CLEC2A: variants seen among roughly 807,000 people sequenced by gnomAD.
CLEC2A encodes the protein C-type lectin domain family 2 member A.
A neutral mutation model predicts 18.6 loss-of-function variants in CLEC2A; 19 were observed. The ratio of observed to expected loss-of-function variants is 1.02; its 90% CI spans 0.71 to 1.50. The LOEUF is 1.50. CLEC2A is among the 40% of genes most tolerant of loss of function. The probability of loss-of-function intolerance (pLI) is 0.00; values close to 1 mark genes in which losing one functional copy is unlikely to be tolerated. For missense variants in CLEC2A, 190 were observed against 207.9 expected (o/e 0.91, Z 0.53); for synonymous variants, 74 against 64.0 (o/e 1.16, Z -0.75).
rs1862858867 is a variant in CLEC2A at position 9,903,120 on chromosome 12, C to T, written c.411-4144G>A. Among the ~76,000 whole-genome samples, 3 of 151,568 alleles carry T rather than the reference C, an allele frequency of 2.0e-5. 1 individual carries two copies. The highest frequency in any genetic ancestry group is 4.2e-4 in the South Asian group (2 of 4,808). Reference sequence around the variant, plus strand: ...TTGGCCTCTGAACAAAGAACAAGGACATTACACAATTAAACCCTTTGAAGA... The same window carrying T: ...TTGGCCTCTGAACAAAGAACAAGGATATTACACAATTAAACCCTTTGAAGA... On this transcript the variant is annotated intron_variant, in intron 4 of 4. Transcript: ENST00000339766.
downstream of CLEC2A, chr12:9,895,641 A>G: frequency 2.0e-6 from 3 of 1,467,618 alleles, no homozygotes; most frequent in East Asian, 5.2e-5. Flanking sequence ...AAAAGATACT[A>G]TTATCATTTT....
chr12:9,916,727 C>T lies in CLEC2A; in HGVS notation c.383G>A (p.Trp128Ter), dbSNP rs200701997. ...ACCATTGAATGTGGTGCCATTTGTC[C>T]ATTTCCAAGAATCTCCTTGTTTCCT... ...LSRKQGDSWKWTNGTTFNGWF... is the reference protein window; with the variant it reads ...LSRKQGDSWK The change falls in exon 4 of 5, where the codon TGG (tryptophan) becomes TAG (stop). Residue 128 changes from tryptophan to a stop codon, truncating the protein, a stop_gained. Transcript: ENST00000455827. LOFTEE classifies it low-confidence loss of function (END_TRUNC). The T allele has an allele frequency of 2.7e-4, 412 of 1,550,028 alleles. No homozygotes were observed. The highest frequency in any genetic ancestry group is 3.3e-4 in the Non-Finnish European group (382 of 1,145,602).
the CLEC2A span, among the ~76,000 whole-genome samples, chr12:9,881,242 T>G: frequency 1.3e-5 from 2 of 152,216 alleles, no homozygotes; most frequent in African/African-American, 4.8e-5. Context: ...TTTTATTTTT[T>G]CTCTTACTTT....
At chr12:9,900,741 T>G (rs1322787119) in intron 4 of CLEC2A, among the ~76,000 whole-genome samples, 4 of 152,174 alleles carry the variant, frequency 2.6e-5, no homozygotes, top group African/African-American at 7.2e-5. Context: ...GTACAGGGAC[T>G]GAATAAACAA....
intron 3 of CLEC2A, among the ~76,000 whole-genome samples, chr12:9,920,964 A>G (rs1346463976): frequency 2.0e-5 from 3 of 152,226 alleles, no homozygotes; most frequent in African/African-American, 7.2e-5. Flanking sequence ...TTTAACGAAG[A>G]CATTTAGATA....
intron 1 of CLEC2A, 110 bp downstream of exon 1, chr12:9,932,165 A>G (rs1326887632): frequency 2.5e-6 from 2 of 789,206 alleles, no homozygotes; most frequent in Admixed American, 2.3e-5. Flanking sequence ...CCCATCCCTC[A>G]CTTACTTTAG....
At chr12:9,927,604 T>A (rs1359739667) in intron 1 of CLEC2A, among the ~76,000 whole-genome samples, 1 of 152,180 alleles carries the variant, frequency 6.6e-6, no homozygotes, top group Non-Finnish European at 1.5e-5. Flanking sequence ...TCATGTTTTC[T>A]CTCTTTCTTC....
rs1863023320 is a variant in CLEC2A at position 9,913,696 on chromosome 12, C to T, written c.411-16G>A. 2.0e-6 allele frequency: 3 copies of T among 1,486,212 alleles called. No individual in the cohort carries two copies. 92.1% of individuals were successfully genotyped at this position (1,486,212 alleles called of 1,614,324 possible). On this transcript the variant is annotated splice_polypyrimidine_tract_variant and intron_variant, in intron 4 of 4. Transcript: ENST00000455827. The stretch of plus-strand genomic sequence containing the variant: ...AATTTCAAACCTGAAAAAGAACACT[C>T]TAAATCAGTCTGGGAACCACTTACG...
chr12:9,884,418 C>T, the CLEC2A span, among the ~76,000 whole-genome samples: 1 of 151,694 alleles, frequency 6.6e-6, no homozygotes, highest in African/African-American at 2.4e-5. Context: ...ATTTCCAGTA[C>T]AGTGACTGGT....
At chr12:9,895,603 C>G (rs1862747433), downstream of CLEC2A, 5 of 1,266,210 alleles carry the variant, frequency 3.9e-6, no homozygotes, top group Non-Finnish European at 4.2e-6. Context: ...GAAGAATTAC[C>G]TATAAAAGTT....
At chr12:9,926,591 GAAGGA>G (rs1211174888) in intron 1 of CLEC2A, among the ~76,000 whole-genome samples, 2 of 152,238 alleles carry the variant, frequency 1.3e-5, no homozygotes, top group South Asian at 4.1e-4. Flanking sequence ...GGGGAATGAG[GAAGGA>G]AAGGAAAGGA....
At chr12:9,894,821 A>G (rs546425909), downstream of CLEC2A, among the ~76,000 whole-genome samples, 16 of 152,192 alleles carry the variant, frequency 1.1e-4, no homozygotes, top group East Asian at 3.9e-4. Context: ...GCAATATTTG[A>G]AAAAAAGTAA....
chr12:9,898,373 G>T (rs1419094246), downstream of CLEC2A, among the ~76,000 whole-genome samples: 1 of 152,190 alleles, frequency 6.6e-6, no homozygotes, highest in Non-Finnish European at 1.5e-5. Flanking sequence ...TCATATGCCA[G>T]ACCCCTCATC....
intron 4 of CLEC2A, among the ~76,000 whole-genome samples, chr12:9,904,570 C>G (rs111262902): frequency 1.5e-3 from 225 of 152,198 alleles, no homozygotes; most frequent in African/African-American, 5.3e-3. Context: ...TGTTTGGGCA[C>G]AGTGTTGGGT....
At chr12:9,888,816 G>C in the CLEC2A span, 1 of 1,337,214 alleles carries the variant, frequency 7.5e-7, no homozygotes, top group Admixed American at 2.0e-5. Context: ...GCTACTCTTA[G>C]GGGTAAATTT....
At chr12:9,925,536 G>A (rs1863254644) in intron 2 of CLEC2A, among the ~76,000 whole-genome samples, 1 of 152,058 alleles carries the variant, frequency 6.6e-6, no homozygotes, top group Non-Finnish European at 1.5e-5. Flanking sequence ...CTGTATCCTA[G>A]TCTAATGAGG....
chr12:9,893,431 G>A, the CLEC2A span: 2 of 1,360,356 alleles, frequency 1.5e-6, no homozygotes, highest in Non-Finnish European at 2.0e-6. Flanking sequence ...TTCTGCAGGA[G>A]TTCATACAGA....
chr12:9,877,938 G>A, the CLEC2A span, among the ~76,000 whole-genome samples: 707 of 152,312 alleles, frequency 4.6e-3, 2 homozygotes, highest in Non-Finnish European at 5.8e-3. Flanking sequence ...TGCATATACA[G>A]TCAGTGTATC....
At chr12:9,919,368 T>A (rs1863126795) in intron 3 of CLEC2A, among the ~76,000 whole-genome samples, 1 of 152,178 alleles carries the variant, frequency 6.6e-6, no homozygotes, top group Non-Finnish European at 1.5e-5. Flanking sequence ...AAGCTGGAGG[T>A]TCCATGTCTG....
Sources: allele counts gnomAD v4.1 joint callset (sites outside exome capture counted in the v4.1 genomes callset), GRCh38; gene constraint gnomAD v4.1.1; transcripts MANE v1.5; gene names NCBI Gene and HGNC (gene_info 2026-07-23, HGNC 2026-07-21).